Variants in ZRANB3 observed in about 807,000 individuals in gnomAD.
The protein encoded by ZRANB3 is zinc finger RANBP2-type containing 3, also known as DNA annealing helicase and endonuclease ZRANB3.
ZRANB3 carries 125 observed loss-of-function variants against 133.8 expected under a neutral mutation model. That is an observed-to-expected ratio of 0.93 (90% CI 0.81 to 1.08). ZRANB3 has a LOEUF of 1.08. ZRANB3 is among the 50% of genes least tolerant of loss of function. The probability of loss-of-function intolerance (pLI) is 0.00; values close to 1 mark genes in which losing one functional copy is unlikely to be tolerated. For missense variants in ZRANB3, 1,229 were observed against 1,275.5 expected, an observed-to-expected ratio of 0.96 and a Z score of 0.56; for synonymous variants, 387 against 432.7, an observed-to-expected ratio of 0.89 and a Z score of 1.31.
intron 4 of ZRANB3, among the ~76,000 whole-genome samples, chr2:135,352,121 C>A (rs767338958): frequency 1.3e-5 from 2 of 151,936 alleles, no homozygotes; most frequent in African/African-American, 2.4e-5. Context: ...CACCTGAGAT[C>A]AGGAGTTTGA....
chr2:135,274,608 TTTTAA>T (rs1219880895), intron 9 of ZRANB3, among the ~76,000 whole-genome samples: 1 of 152,198 alleles, frequency 6.6e-6, no homozygotes, highest in Admixed American at 6.5e-5. Context: ...TTTTAAATTT[TTTTAA>T]TTTATTTTTT....
At chr2:135,413,331 T>C (rs1162066011) in intron 2 of ZRANB3, among the ~76,000 whole-genome samples, 1 of 152,194 alleles carries the variant, frequency 6.6e-6, no homozygotes, top group Non-Finnish European at 1.5e-5. Context: ...GATTAAGCCA[T>C]TTTGAGTTGT....
intron 12 of ZRANB3, among the ~76,000 whole-genome samples, chr2:135,243,044 A>G (rs1175633121): frequency 6.6e-6 from 1 of 152,180 alleles, no homozygotes; most frequent in African/African-American, 2.4e-5. Flanking sequence ...GCCTTCTGTT[A>G]TCCACTGATA....
intron 19 of ZRANB3, among the ~76,000 whole-genome samples, chr2:135,204,436 T>C (rs1693766802): frequency 6.6e-6 from 1 of 151,866 alleles, no homozygotes; most frequent in Non-Finnish European, 1.5e-5. Flanking sequence ...TTCTTTAGTT[T>C]TTCCAAGCAA....
intron 8 of ZRANB3, among the ~76,000 whole-genome samples, chr2:135,282,912 A>C (rs1177510308): frequency 6.6e-6 from 1 of 152,214 alleles, no homozygotes. Context: ...CCAAATTTTG[A>C]CAAAGTAAAG....
chr2:135,204,115 A>C (rs931850923), intron 19 of ZRANB3, among the ~76,000 whole-genome samples: 2 of 152,212 alleles, frequency 1.3e-5, no homozygotes, highest in Non-Finnish European at 2.9e-5. Flanking sequence ...TGACCTGATC[A>C]ATAGTGCTGG....
rs760565761 is a variant in ZRANB3, at chr2:135,207,449, C to T, written c.2994G>A (p.Lys998=). The part of the protein sequence containing the change: ...KNLLYATWTS[K]LPLEQLNEMI... ...TATAACTTACCTGTTCTAATGGGAG[C>T]TTTGAAGTCCAGGTAGCATACAGAA... The change falls in exon 19 of 21, where the codon AAG becomes AAA. Residue 998 remains lysine, a synonymous_variant. Transcript: ENST00000264159. The T allele has an allele frequency of 6.2e-7, 1 of 1,610,316 alleles. No individual in the cohort carries two copies. Among genetic ancestry groups the T allele is most frequent in the South Asian group, 1.1e-5 (1 of 90,486 alleles).
intron 8 of ZRANB3, among the ~76,000 whole-genome samples, chr2:135,309,440 G>A (rs1682866471): frequency 6.6e-6 from 1 of 152,034 alleles, no homozygotes; most frequent in African/African-American, 2.4e-5. Flanking sequence ...TATATTACAA[G>A]GAAGAAATAA....
At chr2:135,235,044 G>A (rs1302374063) in intron 12 of ZRANB3, among the ~76,000 whole-genome samples, 1 of 151,958 alleles carries the variant, frequency 6.6e-6, no homozygotes, top group Non-Finnish European at 1.5e-5. Context: ...ACCGCTAGCA[G>A]GACTAATAAA....
intron 2 of ZRANB3, among the ~76,000 whole-genome samples, chr2:135,440,930 A>G (rs1239688422): frequency 1.3e-5 from 2 of 152,226 alleles, no homozygotes; most frequent in Non-Finnish European, 2.9e-5. Flanking sequence ...AATCTGAGGT[A>G]CACAGAGAAT....
chr2:135,451,631 GA>G (rs1444028045), intron 2 of ZRANB3, among the ~76,000 whole-genome samples: 3 of 149,680 alleles, frequency 2.0e-5, no homozygotes, highest in African/African-American at 7.3e-5. Context: ...AATAAAAACA[GA>G]AACAAAAAAT....
intron 1 of ZRANB3, 127 bp from the exon 2 acceptor site, chr2:135,504,623 C>G: frequency 1.2e-6 from 1 of 865,248 alleles, no homozygotes; most frequent in Non-Finnish European, 1.7e-6. Flanking sequence ...TTTATATAAA[C>G]TAAATCATAT....
At chr2:135,494,195 G>A (rs1357084999) in intron 2 of ZRANB3, among the ~76,000 whole-genome samples, 3 of 147,332 alleles carry the variant, frequency 2.0e-5, no homozygotes, top group Non-Finnish European at 3.0e-5. Flanking sequence ...GGGAGGGCGC[G>A]GTGGCTCACG....
At chr2:135,367,093 C>A (rs1003515598) in intron 3 of ZRANB3, among the ~76,000 whole-genome samples, 3 of 152,106 alleles carry the variant, frequency 2.0e-5, no homozygotes, top group Middle Eastern at 3.2e-3. Context: ...AAAAACCACT[C>A]CAACTCTGCT....
Position 135,504,311 on chromosome 2 carries a change from G to T in ZRANB3, c.161+18C>A. 1 of 1,611,940 alleles carries T rather than the reference G, an allele frequency of 6.2e-7. No individual in the cohort carries two copies. Among genetic ancestry groups the T allele is most frequent in the Non-Finnish European group, 8.5e-7 (1 of 1,179,056 alleles). On this transcript the variant is annotated intron_variant, in intron 2 of 20. Transcript: ENST00000264159. The stretch of plus-strand genomic sequence containing the variant: ...TCCAGGAATTTAACATTTTTAGCAT[G>T]TCTTCAAAGAACTTTACCTGCCATT...
intron 2 of ZRANB3, among the ~76,000 whole-genome samples, chr2:135,460,794 T>A (rs114050309): frequency 0.01 from 1,574 of 152,272 alleles, 25 homozygotes; most frequent in African/African-American, 0.036. Flanking sequence ...GAAAAAGAAA[T>A]TAAATCAAGT....
chr2:135,498,035 A>G (rs1692758433), intron 2 of ZRANB3, among the ~76,000 whole-genome samples: 1 of 151,948 alleles, frequency 6.6e-6, no homozygotes, highest in Admixed American at 6.6e-5. Flanking sequence ...CCTGGGCGAC[A>G]GCGAGACTCT....
intron 2 of ZRANB3, among the ~76,000 whole-genome samples, chr2:135,449,126 T>A (rs1690153837): frequency 6.6e-6 from 1 of 152,196 alleles, no homozygotes; most frequent in South Asian, 2.1e-4. Flanking sequence ...GTAACCATAC[T>A]ATGAGGAACT....
intron 6 of ZRANB3, among the ~76,000 whole-genome samples, chr2:135,340,087 G>T (rs959166159): frequency 6.7e-6 from 1 of 150,126 alleles, no homozygotes; most frequent in Non-Finnish European, 1.5e-5. Flanking sequence ...AGAAGGGAAA[G>T]AATCCCTGTC....
Sources: allele counts gnomAD v4.1 joint callset (sites outside exome capture counted in the v4.1 genomes callset), GRCh38; gene constraint gnomAD v4.1.1; transcripts MANE v1.5; gene names NCBI Gene and HGNC (gene_info 2026-07-23, HGNC 2026-07-21).